The following SLC24A4 variants were observed in gnomAD, a reference collection of about 807,000 sequenced individuals.
The protein encoded by SLC24A4 is sodium/potassium/calcium exchanger 4.
Under a neutral mutation model 79.0 loss-of-function variants are expected in SLC24A4, and 53 were observed. The observed-to-expected ratio is 0.67, with a 90% CI of 0.54 to 0.84. The LOEUF is 0.84. SLC24A4 is among the 40% of genes least tolerant of loss of function. The pLI is 0.00. For synonymous variants in SLC24A4, 323 were observed against 323.8 expected (o/e 1.00, Z 0.03); for missense variants, 731 against 822.0 (o/e 0.89, Z 1.35).
chr14:92,445,535 C>T (rs1398369787), intron 8 of SLC24A4, among the ~76,000 whole-genome samples, 193 bp downstream of exon 8: 2 of 152,160 alleles, frequency 1.3e-5, no homozygotes, highest in Non-Finnish European at 2.9e-5. Flanking sequence ...AATTGTTTCC[C>T]TTAATAGTCC....
At chr14:92,413,156 C>G (rs1027858317) in intron 2 of SLC24A4, among the ~76,000 whole-genome samples, 1 of 152,150 alleles carries the variant, frequency 6.6e-6, no homozygotes, top group African/African-American at 2.4e-5. Flanking sequence ...GTTTAAGATA[C>G]TCTCATCCTG....
chr14:92,493,589 T>A lies in SLC24A4; in HGVS notation c.1830T>A (p.Phe610Leu). 3 of 1,614,224 alleles carry A rather than the reference T, an allele frequency of 1.9e-6. No individual in the cohort carries two copies. The highest frequency in any genetic ancestry group is 2.5e-6 in the Non-Finnish European group (3 of 1,180,040). ...CCATAATGATAGAGTTTAACGTCTT[T>A]ACCTTCGTCAACTTGCCGATGTGCC... is the stretch of plus-strand genomic sequence containing the variant. ...CFSIMIEFNV[F>L]TFVNLPMCRE... Residue 610 changes from phenylalanine to leucine, a missense_variant, in exon 17 of 17, where the codon TTT (phenylalanine) becomes TTA (leucine). Physicochemically the swap from Phe to Leu is conservative, Grantham distance 22 (BLOSUM62 0). Coordinates refer to ENST00000532405, the MANE Select transcript of SLC24A4 (RefSeq NM_153646.4).
At chr14:92,367,013 C>T (rs762509721) in intron 2 of SLC24A4, among the ~76,000 whole-genome samples, 2 of 152,134 alleles carry the variant, frequency 1.3e-5, no homozygotes, top group Non-Finnish European at 2.9e-5. Flanking sequence ...TTCTGCACAG[C>T]TTTGGGGTGG....
chr14:92,438,679 C>T (rs900440105), intron 3 of SLC24A4, among the ~76,000 whole-genome samples: 3 of 145,680 alleles, frequency 2.1e-5, no homozygotes, highest in East Asian at 4.1e-4. Flanking sequence ...AGGGGTGCAG[C>T]GCTTCCACGC....
At chr14:92,456,055 G>A (rs1370978765) in intron 11 of SLC24A4, among the ~76,000 whole-genome samples, 1 of 152,304 alleles carries the variant, frequency 6.6e-6, no homozygotes, top group African/African-American at 2.4e-5. Context: ...CAAAATGCAC[G>A]CAGGGCCTTT....
At chr14:92,492,345 T>A in intron 16 of SLC24A4, 105 bp downstream of exon 16, 4 of 1,089,152 alleles carry the variant, frequency 3.7e-6, no homozygotes, top group Non-Finnish European at 5.5e-6. Flanking sequence ...CTTCCCTTGG[T>A]AGTGAAGGAT....
At chr14:92,409,130 C>G (rs1310075518) in intron 2 of SLC24A4, among the ~76,000 whole-genome samples, 1 of 152,182 alleles carries the variant, frequency 6.6e-6, no homozygotes, top group Non-Finnish European at 1.5e-5. Context: ...AACATGGAGT[C>G]AAGTTCAGTC....
intron 2 of SLC24A4, among the ~76,000 whole-genome samples, chr14:92,422,784 C>T (rs747397595): frequency 2.6e-5 from 4 of 152,134 alleles, no homozygotes; most frequent in Non-Finnish European, 4.4e-5. Flanking sequence ...TTGTGCAGTA[C>T]GTAGAAACCT....
intron 2 of SLC24A4, among the ~76,000 whole-genome samples, chr14:92,413,003 C>T (rs372483506): frequency 6.6e-6 from 1 of 152,148 alleles, no homozygotes; most frequent in East Asian, 1.9e-4. Flanking sequence ...ACAGCCATGC[C>T]GATTTGTTTA....
intron 12 of SLC24A4, among the ~76,000 whole-genome samples, chr14:92,475,702 C>T (rs1292279483): frequency 1.3e-5 from 2 of 152,006 alleles, no homozygotes; most frequent in Admixed American, 6.6e-5. Context: ...GAGACCAGCA[C>T]GAGCACCATG....
chr14:92,347,128 A>C (rs1338364301), intron 2 of SLC24A4, among the ~76,000 whole-genome samples: 1 of 152,252 alleles, frequency 6.6e-6, no homozygotes, highest in African/African-American at 2.4e-5. Context: ...TTTTAAAAGT[A>C]GAGGCCCTTC....
chr14:92,336,426 G>A (rs547909189), intron 2 of SLC24A4, among the ~76,000 whole-genome samples: 1 of 152,342 alleles, frequency 6.6e-6, no homozygotes, highest in African/African-American at 2.4e-5. Context: ...TCACTGTGTG[G>A]CTGAGAAACA....
intron 2 of SLC24A4, among the ~76,000 whole-genome samples, chr14:92,339,999 G>C (rs1478802243): frequency 6.6e-6 from 1 of 152,210 alleles, no homozygotes; most frequent in Non-Finnish European, 1.5e-5. Context: ...AGAGGTGCAA[G>C]ATGGCAGGTG....
chr14:92,338,243 A>T (rs1039597456), intron 2 of SLC24A4, among the ~76,000 whole-genome samples: 3 of 152,182 alleles, frequency 2.0e-5, no homozygotes, highest in Non-Finnish European at 2.9e-5. Context: ...TATTCTGCCT[A>T]TCTGAGCCTT....
chr14:92,384,766 G>A (rs912235503), intron 2 of SLC24A4, among the ~76,000 whole-genome samples: 2 of 152,174 alleles, frequency 1.3e-5, no homozygotes, highest in Non-Finnish European at 2.9e-5. Flanking sequence ...GCAAAGAAAG[G>A]AGGGATCTGG....
intron 2 of SLC24A4, among the ~76,000 whole-genome samples, chr14:92,415,658 A>AT (rs1175365013): frequency 2.0e-5 from 3 of 151,994 alleles, no homozygotes; most frequent in African/African-American, 7.3e-5. Context: ...GGGTTTCACC[A>AT]TATTGGCCAG....
At chr14:92,334,765 A>T (rs1456522987) in intron 2 of SLC24A4, among the ~76,000 whole-genome samples, 5 of 152,130 alleles carry the variant, frequency 3.3e-5, no homozygotes, top group African/African-American at 1.2e-4. Flanking sequence ...TCTCTTTTGT[A>T]AAATGAGGAT....
At chr14:92,440,138 C>T (rs1398900025) in intron 4 of SLC24A4, among the ~76,000 whole-genome samples, 2 of 152,162 alleles carry the variant, frequency 1.3e-5, no homozygotes, top group East Asian at 3.9e-4. Context: ...CCGTGACTTT[C>T]CCCCTGCTGG....
Position 92,368,119 on chromosome 14 carries a change from A to G in SLC24A4, c.241+42141A>G, listed in dbSNP as rs149827376. ...TGTTGGAGTGAGATTCCTACGTTTGATACAAAATCGCTAAGATCCTCACAT... is the reference window on the plus strand; with the variant it reads ...TGTTGGAGTGAGATTCCTACGTTTGGTACAAAATCGCTAAGATCCTCACAT... On this transcript the variant is annotated intron_variant, in intron 2 of 16. Transcript: ENST00000532405. Among the ~76,000 whole-genome samples the G allele has an allele frequency of 4.2e-3, 633 of 152,320 alleles. 4 individuals carry two copies. The highest frequency in any genetic ancestry group is 0.014 in the African/African-American group (595 of 41,572).
Sources: allele counts gnomAD v4.1 joint callset (sites outside exome capture counted in the v4.1 genomes callset), GRCh38; gene constraint gnomAD v4.1.1; transcripts MANE v1.5; gene names NCBI Gene and HGNC (gene_info 2026-07-23, HGNC 2026-07-21).